Variants in HHLA2 observed in about 807,000 individuals in gnomAD.
HHLA2 encodes HERV-H LTR-associating protein 2.
Under a neutral mutation model 45.9 loss-of-function variants are expected in HHLA2, and 48 were observed. That is an observed-to-expected ratio of 1.05 (90% CI 0.83 to 1.33). The LOEUF (loss-of-function observed/expected upper bound fraction) is 1.33. Ranked by LOEUF, HHLA2 falls within the 40% of genes most tolerant of loss-of-function variation. The pLI, the probability that HHLA2 is intolerant of heterozygous loss-of-function variation, is 0.00. For missense variants in HHLA2, 462 were observed against 494.3 expected (o/e 0.93, Z 0.62); for synonymous variants, 161 against 173.9 (o/e 0.93, Z 0.59).
At chr3:108,360,029 GCTT>G (rs1435971398) in intron 7 of HHLA2, among the ~76,000 whole-genome samples, 1 of 152,094 alleles carries the variant, frequency 6.6e-6, no homozygotes, top group African/African-American at 2.4e-5. Context: ...TGTGGCTGTA[GCTT>G]CTTCATCAGC....
In HHLA2 at chr3:108,313,256, T is replaced by C. The variant is rs1169412471; in HGVS notation, c.-105+2515T>C. 3.3e-5 allele frequency among the ~76,000 whole-genome samples: 5 copies of C among 152,176 alleles called. 1 individual carries two copies. The highest frequency in any genetic ancestry group is 1.3e-4 in the Admixed American group (2 of 15,264). The stretch of plus-strand genomic sequence containing the variant: ...ACAATTCTTTATTTTGGAAAAAGGC[T>C]GGTGTGGGTAGTCTTGTACCAACGA... On this transcript the variant is annotated intron_variant, in intron 2 of 10. Coordinates refer to ENST00000619531, the Ensembl canonical transcript of HHLA2.
At chr3:108,328,020 C>T (rs1213473749) in intron 2 of HHLA2, among the ~76,000 whole-genome samples, 3 of 152,008 alleles carry the variant, frequency 2.0e-5, no homozygotes, top group East Asian at 1.9e-4. Context: ...GTAGTCCCAG[C>T]TACTTGGGAG....
chr3:108,314,154 C>T (rs1055824012), intron 2 of HHLA2, among the ~76,000 whole-genome samples: 2 of 151,994 alleles, frequency 1.3e-5, no homozygotes, highest in East Asian at 1.9e-4. Context: ...TGCACACAAA[C>T]ACTAGCAAGC....
At chr3:108,331,970 G>A (rs919154962) in intron 3 of HHLA2, among the ~76,000 whole-genome samples, 3 of 152,104 alleles carry the variant, frequency 2.0e-5, no homozygotes, top group Non-Finnish European at 4.4e-5. Flanking sequence ...AAGATGGAGA[G>A]GAATCTTGTG....
intron 2 of HHLA2, chr3:108,325,855 T>C: frequency 2.5e-6 from 1 of 393,474 alleles, no homozygotes; most frequent in Non-Finnish European, 4.9e-6. Context: ...CACTCACATC[T>C]CTAGAACTAC....
chr3:108,356,144 C>T (rs1203854787), intron 6 of HHLA2, among the ~76,000 whole-genome samples: 3 of 148,796 alleles, frequency 2.0e-5, no homozygotes, highest in Non-Finnish European at 4.4e-5. Context: ...ATTCTCCTGT[C>T]TCAGCCTCCT....
chr3:108,331,723 G>A (rs759033854), intron 3 of HHLA2, among the ~76,000 whole-genome samples: 1 of 152,246 alleles, frequency 6.6e-6, no homozygotes, highest in Admixed American at 6.5e-5. Context: ...CCTGTAGCAA[G>A]TTTTTGATTG....
chr3:108,301,301 CTCT>C (rs1200512663), intron 1 of HHLA2, among the ~76,000 whole-genome samples: 1 of 151,974 alleles, frequency 6.6e-6, no homozygotes, highest in African/African-American at 2.4e-5. Context: ...AGCTTTTTAC[CTCT>C]TCTTTTTACT....
intron 4 of HHLA2, among the ~76,000 whole-genome samples, chr3:108,353,042 T>A (rs529040507): frequency 6.6e-6 from 1 of 152,322 alleles, no homozygotes; most frequent in African/African-American, 2.4e-5. Context: ...ATAAACTAAT[T>A]TATTGTTGCT....
At chr3:108,327,828 T>C (rs1464622702) in intron 2 of HHLA2, among the ~76,000 whole-genome samples, 1 of 152,204 alleles carries the variant, frequency 6.6e-6, no homozygotes, top group African/African-American at 2.4e-5. Context: ...CTGTGTGTCA[T>C]TGTATTTGCA....
chr3:108,301,765 C>G (rs1285675238), intron 1 of HHLA2, among the ~76,000 whole-genome samples: 1 of 152,138 alleles, frequency 6.6e-6, no homozygotes, highest in Non-Finnish European at 1.5e-5. Flanking sequence ...CATCTTGCCT[C>G]CTCCTTTCTT....
intron 7 of HHLA2, among the ~76,000 whole-genome samples, chr3:108,360,465 C>A (rs2107479099): frequency 6.6e-6 from 1 of 152,286 alleles, no homozygotes. Flanking sequence ...CACTTTATGG[C>A]TTCTTTTTGG....
chr3:108,307,278 G>C (rs919261570), intron 1 of HHLA2, among the ~76,000 whole-genome samples: 2 of 152,126 alleles, frequency 1.3e-5, no homozygotes, highest in Non-Finnish European at 2.9e-5. Context: ...ATTTGGTTCT[G>C]AGTAATAACC....
intron 3 of HHLA2, among the ~76,000 whole-genome samples, chr3:108,339,328 G>C (rs1334661006): frequency 6.6e-6 from 1 of 152,106 alleles, no homozygotes; most frequent in Non-Finnish European, 1.5e-5. Context: ...AATCACCCTG[G>C]GGTGGTGCTG....
At chr3:108,376,285 T>C (rs1210133262) in intron 9 of HHLA2, among the ~76,000 whole-genome samples, 1 of 152,214 alleles carries the variant, frequency 6.6e-6, no homozygotes, top group East Asian at 1.9e-4. Flanking sequence ...TCCCCGGCTT[T>C]GGAGCACCTG....
At chr3:108,322,001 A>G (rs1351692006) in intron 2 of HHLA2, among the ~76,000 whole-genome samples, 1 of 151,872 alleles carries the variant, frequency 6.6e-6, no homozygotes, top group Non-Finnish European at 1.5e-5. Flanking sequence ...GTTTTATTTC[A>G]TTTGTTTTTG....
At chr3:108,360,155 T>G (rs1048008841) in intron 7 of HHLA2, among the ~76,000 whole-genome samples, 1 of 152,156 alleles carries the variant, frequency 6.6e-6, no homozygotes, top group Non-Finnish European at 1.5e-5. Flanking sequence ...AAGGGATCTC[T>G]TGCTGAAGTC....
chr3:108,359,847 G>A (rs1214978322), intron 7 of HHLA2, among the ~76,000 whole-genome samples: 1 of 152,094 alleles, frequency 6.6e-6, no homozygotes, highest in Non-Finnish European at 1.5e-5. Context: ...CTGAAACTAT[G>A]GACAGTACTA....
intron 3 of HHLA2, among the ~76,000 whole-genome samples, chr3:108,348,100 G>A (rs1005428209): frequency 6.6e-6 from 1 of 152,076 alleles, no homozygotes; most frequent in South Asian, 2.1e-4. Context: ...TATTCAGAGT[G>A]TGAGATGAAC....
Sources: gnomAD v4.1 joint callset for allele counts (sites outside exome capture counted in the v4.1 genomes callset) on GRCh38, gnomAD v4.1.1 for gene constraint, MANE v1.5 for transcripts, NCBI Gene and HGNC (gene_info 2026-07-23, HGNC 2026-07-21) for gene names.